RGS12: variants seen among roughly 807,000 people sequenced by gnomAD.
RGS12 encodes the protein regulator of G protein signaling 12.
A neutral mutation model predicts 120.1 loss-of-function variants in RGS12; 66 were observed. The ratio of observed to expected loss-of-function variants is 0.55; its 90% CI spans 0.45 to 0.67. The LOEUF (loss-of-function observed/expected upper bound fraction) is 0.67, where lower values mean the gene tolerates loss of function less well. Ranked by LOEUF, RGS12 falls within the 30% of genes least tolerant of loss-of-function variation. The pLI is 0.00. For synonymous variants in RGS12, 827 were observed against 804.7 expected, an observed-to-expected ratio of 1.03 and a Z score of -0.47; for missense variants, 1,859 against 1,957.7, an observed-to-expected ratio of 0.95 and a Z score of 0.95.
chr4:3,403,620 C>G (rs1029040902), intron 4 of RGS12, among the ~76,000 whole-genome samples: 4 of 152,196 alleles, frequency 2.6e-5, no homozygotes, highest in African/African-American at 9.6e-5. Context: ...GTTTTCTAAC[C>G]CTCAGCAGGC....
chr4:3,388,879 G>A (rs1719150284), intron 4 of RGS12, among the ~76,000 whole-genome samples: 1 of 152,228 alleles, frequency 6.6e-6, no homozygotes, highest in African/African-American at 2.4e-5. Context: ...CAGCACCCCA[G>A]TGTTTTTATG....
intron 4 of RGS12, chr4:3,407,320 GTGAGCC>G (rs1205293580): frequency 6.6e-6 from 1 of 152,266 alleles, no homozygotes; most frequent in East Asian, 1.9e-4. Flanking sequence ...CTTCCCATCC[GTGAGCC>G]TGCGTGCAGG....
intron 3 of RGS12, among the ~76,000 whole-genome samples, chr4:3,383,633 T>C (rs774416993): frequency 2.6e-5 from 4 of 152,120 alleles, no homozygotes; most frequent in Non-Finnish European, 4.4e-5. Context: ...CTCTCTACTG[T>C]CTTTAAAATA....
rs1330089890 is a variant in RGS12, at chr4:3,316,287, G to A, written c.117G>A (p.Gln39=). 1.2e-6 allele frequency: 2 copies of A among 1,614,074 alleles called. No homozygotes were observed. The highest frequency in any genetic ancestry group is 1.7e-6 in the Non-Finnish European group (2 of 1,179,972). The change falls in exon 2 of 18, where the codon CAG becomes CAA. Residue 39 remains glutamine, a synonymous_variant. Coordinates refer to ENST00000336727, the MANE Select transcript of RGS12 (RefSeq NM_001394154.1). Reference sequence around the variant, plus strand: ...GCTACGGATTCACGCTTTCGGGACAGGCACCCTGTGTGCTCAGCTGCGTCA... The same window carrying A: ...GCTACGGATTCACGCTTTCGGGACAAGCACCCTGTGTGCTCAGCTGCGTCA... ...RAGYGFTLSG[Q]APCVLSCVMR...
chr4:3,326,420 A>C (rs1292821521), intron 2 of RGS12, among the ~76,000 whole-genome samples: 1 of 152,032 alleles, frequency 6.6e-6, no homozygotes, highest in Non-Finnish European at 1.5e-5. Context: ...CTAATTTTTA[A>C]ATTTTTTTGT....
chr4:3,429,617 C>T (rs969052049), intron 16 of RGS12, among the ~76,000 whole-genome samples: 1 of 152,236 alleles, frequency 6.6e-6, no homozygotes, highest in African/African-American at 2.4e-5. Flanking sequence ...CCATCTACCT[C>T]GAATGGTGGC....
intron 3 of RGS12, among the ~76,000 whole-genome samples, chr4:3,377,337 C>T (rs962242358): frequency 6.6e-6 from 1 of 152,128 alleles, no homozygotes; most frequent in Non-Finnish European, 1.5e-5. Context: ...CTCCTAAATT[C>T]TGGGATTACA....
In RGS12 at chr4:3,374,222, C is replaced by T. The variant is rs1304823753; in HGVS notation, c.1999-12194C>T. On this transcript the variant is annotated intron_variant, in intron 3 of 17. Transcript: ENST00000336727. This position sits in a 1 kb window ranked among gnomAD's most constrained non-coding sequence, Gnocchi z 6.3. ...TGCAGGGACCCCGGCCCTCCGCAGA[C>T]AGCAGGAGCTGCCGAGCTCCGAGTG... is the stretch of plus-strand genomic sequence containing the variant. Among the ~76,000 whole-genome samples the T allele has an allele frequency of 6.6e-6, 1 of 152,264 alleles. No homozygotes were observed. Among genetic ancestry groups the T allele is most frequent in the Non-Finnish European group, 1.5e-5 (1 of 68,046 alleles).
Position 3,322,278 on chromosome 4 carries a change from A to T in RGS12, c.1881+4227A>T, listed in dbSNP as rs73077132. On this transcript the variant is annotated intron_variant, in intron 2 of 17. Transcript: ENST00000336727. Reference sequence around the variant, plus strand: ...CTCCCTCCTCTGGGGAGGAGCAAGGAAGGGGAGCTGAGTTACTTGTAGACT... The same window carrying T: ...CTCCCTCCTCTGGGGAGGAGCAAGGTAGGGGAGCTGAGTTACTTGTAGACT... 5.4e-3 allele frequency among the ~76,000 whole-genome samples: 821 copies of T among 152,308 alleles called. 5 individuals carry two copies. The highest frequency in any genetic ancestry group is 0.019 in the African/African-American group (790 of 41,562).
chr4:3,370,061 C>T (rs1009681593), intron 3 of RGS12: 24 of 1,262,942 alleles, frequency 1.9e-5, no homozygotes, highest in South Asian at 3.4e-5. Context: ...ATGTAAACGG[C>T]GCTTCTTTCT....
chr4:3,362,068 C>T (rs557056392), intron 3 of RGS12, among the ~76,000 whole-genome samples: 10 of 152,316 alleles, frequency 6.6e-5, no homozygotes, highest in East Asian at 5.8e-4. Flanking sequence ...GGATGGAGGG[C>T]GGCCGTCCGC....
Position 3,414,135 on chromosome 4 carries a change from TC to T in RGS12, c.2088del (p.Ser697AlafsTer37). 1 of 1,569,456 alleles carries T rather than the reference TC, an allele frequency of 6.4e-7. No homozygotes were observed. ...SNNSLSSNAS[L>X]PSVQSCRRLR... ...AACAGCCTGAGCAGCAATGCCAGCC[TC>T]CCCAGCGTGCAGAGCTGCCGGCGCC... On this transcript the variant is annotated frameshift_variant, in exon 5 of 18. Transcript: ENST00000336727. LOFTEE classifies it high-confidence loss of function.
In RGS12 at chr4:3,420,652, T is replaced by A; in HGVS notation, c.2772T>A (p.His924Gln). Residue 924 changes from histidine to glutamine, a missense_variant, in exon 10 of 18, where the codon CAT becomes CAA. His to Gln is a conservative substitution (Grantham distance 24). Transcript: ENST00000336727. Reference sequence around the variant, plus strand: ...GTTTCCCCTGTCAAGACGCCCTGCATGCCAATGGAGGCCTGTGTCGCCGAG... The same window carrying A: ...GTTTCCCCTGTCAAGACGCCCTGCAAGCCAATGGAGGCCTGTGTCGCCGAG... Reference protein sequence around the residue: ...EHGDHADDALHANGGLCRRES... With the variant: ...EHGDHADDALQANGGLCRRES... 6.2e-7 allele frequency: 1 copy of A among 1,613,704 alleles called. No homozygotes were observed. The highest frequency in any genetic ancestry group is 8.5e-7 in the Non-Finnish European group (1 of 1,180,034).
At chr4:3,369,964 G>T in intron 3 of RGS12, 1 of 1,147,400 alleles carries the variant, frequency 8.7e-7, no homozygotes, top group Non-Finnish European at 1.1e-6. Flanking sequence ...CTGTTTTACT[G>T]ACTGAGAAAT....
chr4:3,416,348 C>G (rs1722400048), intron 7 of RGS12, among the ~76,000 whole-genome samples: 1 of 152,214 alleles, frequency 6.6e-6, no homozygotes, highest in Non-Finnish European at 1.5e-5. Flanking sequence ...CACTGCGTGT[C>G]TGTCTGCAAT....
upstream of RGS12, chr4:3,292,970 C>G (rs1478136364): frequency 6.7e-6 from 1 of 148,190 alleles, no homozygotes; most frequent in Non-Finnish European, 1.5e-5. Flanking sequence ...TCTCCGTCCC[C>G]GCCCCTCCTC....
At chr4:3,432,594 G>A (rs1215418514) in intron 17 of RGS12, among the ~76,000 whole-genome samples, 1 of 152,254 alleles carries the variant, frequency 6.6e-6, no homozygotes, top group African/African-American at 2.4e-5. Flanking sequence ...CATTAGCACA[G>A]AGGTGGTTTA....
At position 3,416,073 on chromosome 4, in the gene RGS12, C is replaced by T. The variant is rs753798010; in HGVS notation, c.2379C>T (p.Asp793=). 46 of 1,613,998 alleles carry T rather than the reference C, an allele frequency of 2.9e-5. No homozygotes were observed. Among genetic ancestry groups the T allele is most frequent in the East Asian group, 1.1e-4 (5 of 44,882 alleles). The part of the protein sequence containing the change: ...NIDSQAQLAD[D]VLRAPHPDMF... ...ACAGCCAGGCCCAGCTAGCAGACGA[C>T]GTCCTCCGCGCACCTCACCCAGACA... The change falls in exon 7 of 18, where the codon GAC becomes GAT. Residue 793 remains aspartate, a synonymous_variant. Transcript: ENST00000336727.
intron 3 of RGS12, among the ~76,000 whole-genome samples, chr4:3,360,897 G>A (rs572552473): frequency 6.6e-6 from 1 of 152,322 alleles, no homozygotes; most frequent in African/African-American, 2.4e-5. Context: ...TTTACTACAG[G>A]TGCTAGCCAA....
Sources: gnomAD v4.1 joint callset for allele counts (sites outside exome capture counted in the v4.1 genomes callset) on GRCh38, gnomAD v4.1.1 for gene constraint, Gnocchi (gnomAD v3.1) non-coding constraint, MANE v1.5 for transcripts, NCBI Gene and HGNC (gene_info 2026-07-23, HGNC 2026-07-21) for gene names.